Variants in FAF1 observed in about 807,000 individuals in gnomAD.
FAF1 encodes the protein FAS-associated factor 1.
Under a neutral mutation model 92.5 loss-of-function variants are expected in FAF1, and 25 were observed. The observed-to-expected ratio is 0.27, with a 90% CI of 0.20 to 0.38. The LOEUF (loss-of-function observed/expected upper bound fraction) is 0.38. FAF1 is among the 10% of genes least tolerant of loss of function. The pLI is 1.00. For missense variants in FAF1, 636 were observed against 793.3 expected (o/e 0.80, Z 2.38); for synonymous variants, 234 against 273.2 (o/e 0.86, Z 1.42).
At chr1:50,940,472 A>G (rs1645122545) in intron 1 of FAF1, among the ~76,000 whole-genome samples, 2 of 152,178 alleles carry the variant, frequency 1.3e-5, no homozygotes, top group African/African-American at 2.4e-5. Context: ...TATGTCGTCT[A>G]AGCTGTTATC....
At chr1:50,512,668 T>C (rs1044297766) in intron 15 of FAF1, among the ~76,000 whole-genome samples, 6 of 152,218 alleles carry the variant, frequency 3.9e-5, no homozygotes, top group Non-Finnish European at 8.8e-5. Flanking sequence ...TCAGGTAGTA[T>C]AATGCCTCCA....
At chr1:50,907,779 T>C (rs1311474695) in intron 1 of FAF1, among the ~76,000 whole-genome samples, 1 of 152,192 alleles carries the variant, frequency 6.6e-6, no homozygotes, top group African/African-American at 2.4e-5. Context: ...TTTTCTTCTT[T>C]ATTAGTCCTG....
At chr1:50,454,229 T>G (rs113972997) in intron 18 of FAF1, among the ~76,000 whole-genome samples, 20 of 152,230 alleles carry the variant, frequency 1.3e-4, no homozygotes, top group Non-Finnish European at 2.5e-4. Context: ...TCATAGACCC[T>G]ATGTGCCAGA....
chr1:50,885,911 T>C (rs1012817759), intron 1 of FAF1, among the ~76,000 whole-genome samples: 6 of 152,184 alleles, frequency 3.9e-5, no homozygotes, highest in African/African-American at 1.4e-4. Context: ...TAACCCATTA[T>C]CTTAAGCGGA....
intron 2 of FAF1, among the ~76,000 whole-genome samples, chr1:50,833,112 T>C (rs1023900572): frequency 2.0e-5 from 3 of 152,108 alleles, no homozygotes; most frequent in African/African-American, 7.2e-5. Context: ...AATTCTATTC[T>C]GACACTAACT....
chr1:50,445,136 G>C (rs1229959258), intron 18 of FAF1, among the ~76,000 whole-genome samples: 4 of 152,100 alleles, frequency 2.6e-5, no homozygotes, highest in Non-Finnish European at 5.9e-5. Flanking sequence ...TTTGTTACAT[G>C]GGTATGTTCT....
chr1:50,712,399 T>G (rs1657969767), intron 6 of FAF1, among the ~76,000 whole-genome samples: 1 of 152,228 alleles, frequency 6.6e-6, no homozygotes, highest in African/African-American at 2.4e-5. Flanking sequence ...CTCACACCTG[T>G]AATCCTAACA....
chr1:50,907,257 T>C (rs148658685), intron 1 of FAF1, among the ~76,000 whole-genome samples: 1,984 of 152,356 alleles, frequency 0.013, 42 homozygotes, highest in African/African-American at 0.044. Flanking sequence ...ATAAACTTTT[T>C]GATGTGCTGC....
rs76244754 is a variant in FAF1 at position 50,609,886 on chromosome 1, A to G, written c.745-13670T>C. ...TAAAGAGAACAACTTATGTTGCAAAACCACGTTTCACCTGTTTACTCCCCC... is the reference window on the plus strand; with the variant it reads ...TAAAGAGAACAACTTATGTTGCAAAGCCACGTTTCACCTGTTTACTCCCCC... On this transcript the variant is annotated intron_variant, in intron 8 of 18. Coordinates refer to ENST00000396153, the MANE Select transcript of FAF1 (RefSeq NM_007051.3). 1.0e-2 allele frequency among the ~76,000 whole-genome samples: 1,515 copies of G among 152,152 alleles called. 25 individuals carry two copies. The highest frequency in any genetic ancestry group is 0.035 in the African/African-American group (1,436 of 41,504).
chr1:50,667,441 C>T (rs1247236692), intron 7 of FAF1, among the ~76,000 whole-genome samples: 1 of 152,200 alleles, frequency 6.6e-6, no homozygotes, highest in Non-Finnish European at 1.5e-5. Flanking sequence ...CTCTTGCCAA[C>T]TCCTCTTCTA....
At chr1:50,781,628 G>T (rs1569938567) in intron 4 of FAF1, among the ~76,000 whole-genome samples, 1 of 152,158 alleles carries the variant, frequency 6.6e-6, no homozygotes, top group Non-Finnish European at 1.5e-5. Flanking sequence ...TGGAAACTGA[G>T]GACTTGAACA....
At chr1:50,698,612 T>C (rs1569790421) in intron 7 of FAF1, among the ~76,000 whole-genome samples, 1 of 152,118 alleles carries the variant, frequency 6.6e-6, no homozygotes, top group East Asian at 1.9e-4. Context: ...TAATCTTTCA[T>C]ATTTTTTCTT....
intron 7 of FAF1, among the ~76,000 whole-genome samples, chr1:50,669,011 C>T (rs936007821): frequency 7.9e-5 from 12 of 152,186 alleles, no homozygotes; most frequent in Non-Finnish European, 8.8e-5. Flanking sequence ...ATTAAAAAAC[C>T]GCCACAAACC....
At chr1:50,554,918 C>G (rs571081107) in intron 13 of FAF1, among the ~76,000 whole-genome samples, 13 of 152,216 alleles carry the variant, frequency 8.5e-5, no homozygotes, top group African/African-American at 3.1e-4. Flanking sequence ...CCTTACTTCT[C>G]AATTGCTCTA....
intron 4 of FAF1, among the ~76,000 whole-genome samples, chr1:50,758,291 T>A (rs1039135068): frequency 2.0e-5 from 3 of 152,154 alleles, no homozygotes; most frequent in African/African-American, 7.2e-5. Context: ...TGACCTCAAG[T>A]GATCCACCTG....
chr1:50,737,326 A>T (rs1659182071), intron 6 of FAF1, among the ~76,000 whole-genome samples: 1 of 152,220 alleles, frequency 6.6e-6, no homozygotes, highest in South Asian at 2.1e-4. Flanking sequence ...CCAGGTAGAC[A>T]TTTTGATAAA....
chr1:50,540,206 T>C (rs928066480), intron 13 of FAF1, among the ~76,000 whole-genome samples: 11 of 152,060 alleles, frequency 7.2e-5, no homozygotes, highest in Admixed American at 4.6e-4. Context: ...ACTCCTGACC[T>C]TGTGATCCAC....
chr1:50,629,257 C>A (rs1408763128), intron 8 of FAF1, among the ~76,000 whole-genome samples: 1 of 151,364 alleles, frequency 6.6e-6, no homozygotes, highest in Admixed American at 6.6e-5. Context: ...GCAACCTCCG[C>A]CTCCCGCGTT....
At chr1:50,928,854 T>G (rs1645026852) in intron 1 of FAF1, among the ~76,000 whole-genome samples, 2 of 149,282 alleles carry the variant, frequency 1.3e-5, no homozygotes. Context: ...CCCAGCACTT[T>G]GGGAGGCTAA....
Sources: allele counts gnomAD v4.1 joint callset (sites outside exome capture counted in the v4.1 genomes callset), GRCh38; gene constraint gnomAD v4.1.1; transcripts MANE v1.5; gene names NCBI Gene and HGNC (gene_info 2026-07-23, HGNC 2026-07-21).